TEX36: variants seen among roughly 807,000 people sequenced by gnomAD.
TEX36 encodes the protein testis expressed 36.
In TEX36, 12 loss-of-function variants were observed where a neutral mutation model predicts 13.6. The ratio of observed to expected loss-of-function variants is 0.88; its 90% confidence interval spans 0.56 to 1.43. The LOEUF is 1.43. Among genes scored for constraint, TEX36 ranks in the 40% most tolerant of loss-of-function variants. TEX36 has a pLI of 0.00. For synonymous variants in TEX36, 93 were observed against 83.0 expected (o/e 1.12, Z -0.65); for missense variants, 224 against 228.3 (o/e 0.98, Z 0.12).
chr10:125,624,847 C>T (rs1051216219), intron 3 of TEX36, among the ~76,000 whole-genome samples: 37 of 152,114 alleles, frequency 2.4e-4, no homozygotes, highest in African/African-American at 8.4e-4. Context: ...AGCACAGCCA[C>T]CTAAGAACAA....
intron 3 of TEX36, among the ~76,000 whole-genome samples, chr10:125,627,279 GAGCATTA>G (rs1277353842): frequency 1.3e-5 from 2 of 152,176 alleles, no homozygotes; most frequent in Non-Finnish European, 2.9e-5. Context: ...GAAGAACAAT[GAGCATTA>G]GATTATGCTT....
intron 3 of TEX36, among the ~76,000 whole-genome samples, chr10:125,659,654 CTG>C (rs1294383975): frequency 2.6e-5 from 4 of 152,150 alleles, no homozygotes; most frequent in Non-Finnish European, 5.9e-5. Flanking sequence ...AGTTAAGACA[CTG>C]TAGTCTAGAA....
downstream of TEX36, among the ~76,000 whole-genome samples, chr10:125,653,667 T>C (rs918258266): frequency 1.4e-4 from 22 of 151,822 alleles, no homozygotes; most frequent in Non-Finnish European, 2.9e-4. Flanking sequence ...AAAAAAGAAA[T>C]ATATTTGACA....
intron 3 of TEX36, among the ~76,000 whole-genome samples, chr10:125,633,388 C>T (rs1846584254): frequency 6.6e-6 from 1 of 152,228 alleles, no homozygotes; most frequent in African/African-American, 2.4e-5. Context: ...TGACATTGGA[C>T]ACCTCCTGTA....
chr10:125,617,194 T>A (rs1337879020), downstream of TEX36, among the ~76,000 whole-genome samples: 1 of 151,794 alleles, frequency 6.6e-6, no homozygotes. Flanking sequence ...GCACGTGAGA[T>A]GGGTTTCCTG....
chr10:125,624,649 C>T (rs1352685432), intron 3 of TEX36, among the ~76,000 whole-genome samples: 3 of 149,752 alleles, frequency 2.0e-5, no homozygotes, highest in East Asian at 3.9e-4. Context: ...CTCAAGATGA[C>T]CAAATACTCA....
At chr10:125,614,518 G>A (rs973979387) in intron 3 of TEX36, among the ~76,000 whole-genome samples, 1 of 151,918 alleles carries the variant, frequency 6.6e-6, no homozygotes, top group African/African-American at 2.4e-5. Context: ...AGTTTTCCCA[G>A]CACCATTTAT....
intron 1 of TEX36, 115 bp downstream of exon 1, chr10:125,682,824 G>C: frequency 8.6e-7 from 1 of 1,162,828 alleles, no homozygotes; most frequent in Non-Finnish European, 1.3e-6. Context: ...GTAAAGTGAA[G>C]TGATTTGTCA....
intron 1 of TEX36, among the ~76,000 whole-genome samples, chr10:125,662,878 G>GC (rs1367763688): frequency 6.6e-6 from 1 of 152,202 alleles, no homozygotes; most frequent in African/African-American, 2.4e-5. Context: ...GGTGTGGCTA[G>GC]CTCTTATGGC....
At chr10:125,642,978 T>C (rs929850228) in intron 3 of TEX36, among the ~76,000 whole-genome samples, 8 of 152,342 alleles carry the variant, frequency 5.3e-5, no homozygotes, top group Middle Eastern at 6.8e-3. Flanking sequence ...TCAGGTCGGC[T>C]ACAAATGTAT....
chr10:125,668,309 G>C (rs1167857268), intron 1 of TEX36, among the ~76,000 whole-genome samples: 1 of 148,636 alleles, frequency 6.7e-6, no homozygotes, highest in Non-Finnish European at 1.5e-5. Flanking sequence ...TTTGTTGGGA[G>C]ATTTTTTTTT....
At chr10:125,655,059 G>T (rs191669594), downstream of TEX36, among the ~76,000 whole-genome samples, 37 of 152,330 alleles carry the variant, frequency 2.4e-4, no homozygotes, top group African/African-American at 8.9e-4. Context: ...GAGTGAATTT[G>T]TATTTGGGAA....
At chr10:125,629,931 C>T (rs1846532144) in intron 3 of TEX36, among the ~76,000 whole-genome samples, 2 of 152,230 alleles carry the variant, frequency 1.3e-5, no homozygotes, top group Non-Finnish European at 2.9e-5. Flanking sequence ...GTCTGAGAGG[C>T]CCTATTCCAG....
In TEX36 at chr10:125,661,961, A is replaced by G; in HGVS notation, c.68T>C (p.Leu23Pro). 1 of 1,552,410 alleles carries G rather than the reference A, an allele frequency of 6.4e-7. No individual in the cohort carries two copies. Among genetic ancestry groups the G allele is most frequent in the Non-Finnish European group, 8.7e-7 (1 of 1,147,152 alleles). ...GATGGATTCTGGTGTCTTTTGCGTT[A>G]GCCCGATGTGAGGGAACTGGAAGAA... is the stretch of plus-strand genomic sequence containing the variant. ...KDGRWFPHIG[L>P]TQKTPESITS... Residue 23 changes from leucine (L) to proline (P), a missense_variant, in exon 2 of 4, where the codon CTA (leucine) becomes CCA (proline). Coordinates refer to ENST00000368821, the MANE Select transcript of TEX36 (RefSeq NM_001128202.3).
chr10:125,595,371 G>C (rs572346320), intron 3 of TEX36, among the ~76,000 whole-genome samples: 1 of 152,188 alleles, frequency 6.6e-6, no homozygotes. Flanking sequence ...ATCAAAATCA[G>C]ACAAGAACAT....
chr10:125,622,844 G>A (rs1426737511), intron 3 of TEX36, among the ~76,000 whole-genome samples: 2 of 152,214 alleles, frequency 1.3e-5, no homozygotes, highest in Non-Finnish European at 2.9e-5. Context: ...TTGACTTAGA[G>A]GCAGGAGGAG....
chr10:125,604,690 T>C (rs1846193879), intron 3 of TEX36, among the ~76,000 whole-genome samples: 1 of 152,100 alleles, frequency 6.6e-6, no homozygotes, highest in Admixed American at 6.6e-5. Context: ...CATGTGCCTG[T>C]AGTCCCAGCT....
chr10:125,632,952 G>T (rs193291695), intron 3 of TEX36, among the ~76,000 whole-genome samples: 35 of 152,004 alleles, frequency 2.3e-4, no homozygotes, highest in Non-Finnish European at 5.0e-4. Flanking sequence ...ATGAAACCCC[G>T]TCTCTACTGA....
At chr10:125,587,503 T>C (rs1845968872) in intron 3 of TEX36, among the ~76,000 whole-genome samples, 2 of 152,162 alleles carry the variant, frequency 1.3e-5, no homozygotes, top group South Asian at 4.1e-4. Context: ...AGACACTTTA[T>C]ACAGGCCAGA....
Sources: allele counts gnomAD v4.1 joint callset (sites outside exome capture counted in the v4.1 genomes callset), GRCh38; gene constraint gnomAD v4.1.1; transcripts MANE v1.5; gene names NCBI Gene and HGNC (gene_info 2026-07-23, HGNC 2026-07-21).